The following ZNF717 variants were observed in gnomAD, a reference collection of about 807,000 sequenced individuals.
ZNF717 encodes the protein krueppel-like factor X17.
A neutral mutation model predicts 13.8 loss-of-function variants in ZNF717; 9 were observed. The ratio of observed to expected loss-of-function variants is 0.65; its 90% CI spans 0.39 to 1.14. The LOEUF (loss-of-function observed/expected upper bound fraction) is 1.14, where lower values mean the gene tolerates loss of function less well. ZNF717 is among the 50% of genes most tolerant of loss of function. The pLI is 0.01. For synonymous variants in ZNF717, 327 were observed against 364.1 expected, an observed-to-expected ratio of 0.90 and a Z score of 1.16; for missense variants, 1,040 against 1,080.7, an observed-to-expected ratio of 0.96 and a Z score of 0.53.
In ZNF717 at chr3:75,754,414, T is replaced by C. The variant is rs1422223930; in HGVS notation, c.58-12678A>G. ...CAAGCTTCAGAAGCAGACAAACCTA[T>C]GATTTTGGAATTTTTTTTTTAAACC... On this transcript the variant is annotated intron_variant, in intron 2 of 4. Transcript: ENST00000652011. 7.4e-5 allele frequency among the ~76,000 whole-genome samples: 11 copies of C among 149,112 alleles called. No homozygotes were observed. The East Asian group carries it at 2.1e-3, about 29-fold the overall frequency.
In ZNF717 at chr3:75,737,851, T is replaced by G; in HGVS notation, c.1772A>C (p.Tyr591Ser). The G allele has an allele frequency of 1.3e-6, 2 of 1,551,204 alleles. No homozygotes were observed. The highest frequency in any genetic ancestry group is 1.7e-6 in the Non-Finnish European group (2 of 1,146,850). Reference sequence around the variant, plus strand: ...GGTTTTCTCACATTCATTACATTCATAGGGTTTTTTGCCAGCATGAGTTCT... The same window carrying G: ...GGTTTTCTCACATTCATTACATTCAGAGGGTTTTTTGCCAGCATGAGTTCT... ...HQRTHAGKKP[Y>S]ECNECEKTFI... Residue 591 changes from tyrosine to serine, a missense_variant, in exon 5 of 5, where the codon TAT becomes TCT. Physicochemically the swap from Tyr to Ser is moderately radical, Grantham distance 144. Around this residue, in one of 3 missense-constraint regions of ZNF717, gnomAD observed 873 missense variants for 832.8 expected, o/e 1.05. Coordinates refer to ENST00000652011, the MANE Select transcript of ZNF717 (RefSeq NM_001290208.3).
intron 2 of ZNF717, among the ~76,000 whole-genome samples, chr3:75,780,178 G>C (rs1196607247): frequency 8.1e-5 from 12 of 147,282 alleles, no homozygotes; most frequent in African/African-American, 2.5e-4. Flanking sequence ...GCTAAAACTG[G>C]AACCCAAAAC....
rs1413830870 is a variant in ZNF717, at chr3:75,721,442, TG to T, written n.545-4902del. On this transcript the variant is annotated intron_variant and non_coding_transcript_variant, in intron 4 of 5. Transcript: ENST00000491507. ...GATTACAGGCGAGCGCCAGCACGCC[TG>T]GCTAATTTTGTATTTTCAGTAGAGA... Among the ~76,000 whole-genome samples, 1,074 of 152,298 alleles carry T rather than the reference TG, an allele frequency of 7.1e-3. 18 individuals carry two copies. Among genetic ancestry groups the T allele is most frequent in the African/African-American group, 0.025 (1,039 of 41,556 alleles).
chr3:75,751,407 T>A (rs1208506219), intron 2 of ZNF717, among the ~76,000 whole-genome samples: 2 of 151,372 alleles, frequency 1.3e-5, no homozygotes, highest in Non-Finnish European at 2.9e-5. Context: ...GTGGTCTGAA[T>A]GTTTGTACCC....
At chr3:75,722,911 C>T (rs1402375282) in intron 4 of ZNF717, among the ~76,000 whole-genome samples, 2 of 151,966 alleles carry the variant, frequency 1.3e-5, no homozygotes, top group Non-Finnish European at 2.9e-5. Flanking sequence ...AGGCATGACA[C>T]CACATCATAT....
chr3:75,785,280 G>A (rs979512899), intron 1 of ZNF717, 104 bp downstream of exon 1: 11 of 152,222 alleles, frequency 7.2e-5, no homozygotes, highest in African/African-American at 2.7e-4. Flanking sequence ...TCCGGGCCCA[G>A]GGCCACCGGC....
At chr3:75,769,612 G>A (rs1490975539) in intron 2 of ZNF717, among the ~76,000 whole-genome samples, 1 of 152,180 alleles carries the variant, frequency 6.6e-6, no homozygotes, top group African/African-American at 2.4e-5. Context: ...GGCATGTGGA[G>A]ATTTATATTG....
rs1321827697 is a variant in ZNF717, at chr3:75,748,640, G to A, written c.58-6904C>T. Among the ~76,000 whole-genome samples the A allele has an allele frequency of 3.3e-5, 5 of 152,198 alleles. No homozygotes were observed. In the East Asian group the frequency reaches 9.7e-4, roughly 30 times the overall value. On this transcript the variant is annotated intron_variant, in intron 2 of 4. Transcript: ENST00000652011. ...AAAAGGCCTTCAACAAAATTCAACA[G>A]CCCTTCACGCTAAAAAACTCTCAAT...
intron 2 of ZNF717, among the ~76,000 whole-genome samples, chr3:75,745,502 T>C (rs1374622767): frequency 2.6e-5 from 4 of 152,040 alleles, no homozygotes; most frequent in African/African-American, 9.7e-5. Flanking sequence ...ACATTAACTT[T>C]CTATTTCTCA....
Position 75,737,731 on chromosome 3 carries a change from T to G in ZNF717, c.1892A>C (p.Lys631Thr). 1 of 1,546,358 alleles carries G rather than the reference T, an allele frequency of 6.5e-7. No homozygotes were observed. Among genetic ancestry groups the G allele is most frequent in the Non-Finnish European group, 8.7e-7 (1 of 1,143,080 alleles). ...CNECGKTFRQ[K>T]SNLSTHQGTH... is the part of the protein sequence containing the mutation. ...TCCCTGATGGGTGCTGAGATTTGACTTCTGACGAAAGGTTTTTCCACATTC... is the reference window on the plus strand; with the variant it reads ...TCCCTGATGGGTGCTGAGATTTGACGTCTGACGAAAGGTTTTTCCACATTC... The change falls in exon 5 of 5, where the codon AAG becomes ACG. Residue 631 changes from lysine (K) to threonine (T), a missense_variant. Lys to Thr is a moderately conservative substitution (Grantham distance 78). This residue lies in a region of ZNF717 where 873 missense variants were observed against 832.8 expected (regional missense o/e 1.05). Coordinates refer to ENST00000652011, the MANE Select transcript of ZNF717 (RefSeq NM_001290208.3).
chr3:75,769,295 G>A (rs951501600), intron 2 of ZNF717, among the ~76,000 whole-genome samples: 1 of 152,110 alleles, frequency 6.6e-6, no homozygotes, highest in African/African-American at 2.4e-5. Context: ...GCCAGACTGG[G>A]AGGAAGTCTG....
chr3:75,765,241 T>C (rs1421332686), intron 2 of ZNF717, among the ~76,000 whole-genome samples: 1 of 151,812 alleles, frequency 6.6e-6, no homozygotes. Context: ...GGGAAATTAA[T>C]AGTTGTTGAA....
chr3:75,756,028 G>T (rs1276127724), intron 2 of ZNF717, among the ~76,000 whole-genome samples: 1 of 151,402 alleles, frequency 6.6e-6, no homozygotes, highest in Non-Finnish European at 1.5e-5. Flanking sequence ...CATATTGAAG[G>T]TTTGTGGCCA....
Position 75,738,240 on chromosome 3 carries a change from G to A in ZNF717, c.1383C>T (p.Ile461=), listed in dbSNP as rs1226573258. ...GATGTAACCTGAGGTTTGACTTATTGATAAAGGGTTTTCCACACTCATTAC... is the reference window on the plus strand; with the variant it reads ...GATGTAACCTGAGGTTTGACTTATTAATAAAGGGTTTTCCACACTCATTAC... ...YECNECGKPF[I]NKSNLRLHQR... is the part of the protein sequence containing the mutation. The change falls in exon 5 of 5, where the codon ATC becomes ATT. Residue 461 remains isoleucine (I), a synonymous_variant. Coordinates refer to ENST00000652011, the MANE Select transcript of ZNF717 (RefSeq NM_001290208.3). The A allele has an allele frequency of 1.1e-5, 17 of 1,542,394 alleles. No homozygotes were observed. The highest frequency in any genetic ancestry group is 2.4e-5 in the South Asian group (2 of 83,318).
At chr3:75,726,161 C>T (rs1362648305), downstream of ZNF717, among the ~76,000 whole-genome samples, 2 of 152,272 alleles carry the variant, frequency 1.3e-5, no homozygotes, top group Non-Finnish European at 2.9e-5. Flanking sequence ...GTGCTCTTCA[C>T]AATGAAGATC....
intron 1 of ZNF717, chr3:75,785,120 C>G (rs935277292): frequency 1.5e-5 from 2 of 132,278 alleles, no homozygotes. Flanking sequence ...GTTTAAGACT[C>G]GAGGCGCACG....
intron 4 of ZNF717, among the ~76,000 whole-genome samples, chr3:75,718,325 G>A (rs1188156660): frequency 2.0e-5 from 3 of 152,102 alleles, no homozygotes; most frequent in Non-Finnish European, 2.9e-5. Context: ...GAAGACATTC[G>A]GCTGGGCTCC....
chr3:75,734,321 G>A (rs79427574), downstream of ZNF717, among the ~76,000 whole-genome samples: 13 of 152,066 alleles, frequency 8.5e-5, no homozygotes, highest in African/African-American at 1.7e-4. Flanking sequence ...CACCCATCTC[G>A]GCCTCCCAAA....
At chr3:75,781,900 T>G (rs976737576) in intron 2 of ZNF717, among the ~76,000 whole-genome samples, 1 of 152,292 alleles carries the variant, frequency 6.6e-6, no homozygotes, top group South Asian at 2.1e-4. Context: ...CCTGTAACCA[T>G]CTGTCGTTTT....
Sources: allele counts gnomAD v4.1 joint callset (sites outside exome capture counted in the v4.1 genomes callset), GRCh38; gene constraint gnomAD v4.1.1; regional missense constraint gnomAD v4.1.1; transcripts MANE v1.5; gene names NCBI Gene and HGNC (gene_info 2026-07-23, HGNC 2026-07-21).